The following SEMA6D variants were observed in gnomAD, a reference collection of about 807,000 sequenced individuals.
SEMA6D encodes semaphorin-6D.
Under a neutral mutation model 106.6 loss-of-function variants are expected in SEMA6D, and 35 were observed. That is an observed-to-expected ratio of 0.33 (90% CI 0.25 to 0.44). SEMA6D has a LOEUF of 0.44. SEMA6D is among the 20% of genes least tolerant of loss of function. SEMA6D has a pLI of 1.00. For missense variants in SEMA6D, 1,185 were observed against 1,345.9 expected, an observed-to-expected ratio of 0.88 and a Z score of 1.87; for synonymous variants, 499 against 487.7, an observed-to-expected ratio of 1.02 and a Z score of -0.31.
intron 1 of SEMA6D, among the ~76,000 whole-genome samples, chr15:47,244,258 G>T (rs1406434266): frequency 6.6e-6 from 1 of 152,118 alleles, no homozygotes; most frequent in South Asian, 2.1e-4. Context: ...GGTAGATCTG[G>T]ATTTGAATCT....
intron 1 of SEMA6D, among the ~76,000 whole-genome samples, chr15:47,724,615 A>AG (rs1396855396): frequency 6.6e-6 from 1 of 151,628 alleles, no homozygotes; most frequent in East Asian, 1.9e-4. Context: ...CCAGGCATAG[A>AG]GAACAGCTTA....
chr15:47,738,339 T>G (rs7172945), intron 1 of SEMA6D, among the ~76,000 whole-genome samples: 440 of 152,308 alleles, frequency 2.9e-3, no homozygotes, highest in African/African-American at 0.01. Flanking sequence ...CTCATTCCTT[T>G]GTATGGCTGC....
At chr15:47,679,740 A>G (rs1293838516) in intron 4 of SEMA6D, among the ~76,000 whole-genome samples, 1 of 152,238 alleles carries the variant, frequency 6.6e-6, no homozygotes, top group Non-Finnish European at 1.5e-5. Flanking sequence ...TGAAGGAAAA[A>G]TAAGCACAAT....
At chr15:47,592,765 A>G (rs1277215921) in intron 3 of SEMA6D, among the ~76,000 whole-genome samples, 5 of 152,242 alleles carry the variant, frequency 3.3e-5, no homozygotes, top group Non-Finnish European at 7.3e-5. Context: ...TAATTGACAA[A>G]TGAATTCTAA....
At chr15:47,583,976 G>C (rs566356583) in intron 3 of SEMA6D, among the ~76,000 whole-genome samples, 43 of 152,260 alleles carry the variant, frequency 2.8e-4, no homozygotes, top group Admixed American at 1.9e-3. Flanking sequence ...ACTGCAACCA[G>C]CTCACAGCAC....
intron 1 of SEMA6D, among the ~76,000 whole-genome samples, chr15:47,330,233 G>T (rs8024011): frequency 0.015 from 2,226 of 152,254 alleles, 56 homozygotes; most frequent in African/African-American, 0.052. Flanking sequence ...ACAGAAATGG[G>T]TGTCATCTCT....
chr15:47,555,314 G>C (rs748311643), intron 3 of SEMA6D, among the ~76,000 whole-genome samples: 2 of 151,944 alleles, frequency 1.3e-5, no homozygotes, highest in African/African-American at 4.8e-5. Context: ...TTCTCATAAC[G>C]GTTATCTGTT....
At chr15:47,372,441 C>A (rs762479472) in intron 1 of SEMA6D, among the ~76,000 whole-genome samples, 1 of 152,168 alleles carries the variant, frequency 6.6e-6, no homozygotes, top group African/African-American at 2.4e-5. Flanking sequence ...AGAACTGGAC[C>A]TGATGAAATA....
At chr15:47,278,008 A>G (rs1314142772) in intron 1 of SEMA6D, among the ~76,000 whole-genome samples, 3 of 151,990 alleles carry the variant, frequency 2.0e-5, no homozygotes, top group African/African-American at 7.3e-5. Context: ...AATCCAGTCT[A>G]TCATTGTTGG....
chr15:47,765,670 C>T (rs1938789135), intron 13 of SEMA6D, among the ~76,000 whole-genome samples, 199 bp from the exon 14 acceptor site: 2 of 152,124 alleles, frequency 1.3e-5, no homozygotes, highest in South Asian at 4.1e-4. Context: ...TGTTTAAAAA[C>T]CCTTTGTCCA....
chr15:47,491,334 A>C (rs912379465), intron 3 of SEMA6D, among the ~76,000 whole-genome samples: 2 of 152,202 alleles, frequency 1.3e-5, no homozygotes, highest in African/African-American at 4.8e-5. Flanking sequence ...GATAACACAT[A>C]AACTAGTATT....
intron 4 of SEMA6D, among the ~76,000 whole-genome samples, chr15:47,624,269 G>C (rs928351188): frequency 2.6e-5 from 4 of 152,158 alleles, no homozygotes; most frequent in Non-Finnish European, 5.9e-5. Context: ...AGCCGTACTT[G>C]CATGCTTCCC....
At chr15:47,766,580 G>A (rs1398072326) in intron 15 of SEMA6D, 36 bp from the exon 16 acceptor site, 4 of 1,608,502 alleles carry the variant, frequency 2.5e-6, no homozygotes, top group South Asian at 2.2e-5. Context: ...TATGAAGGCT[G>A]TTAACCGAAG....
chr15:47,724,351 A>G (rs528091593), intron 1 of SEMA6D, among the ~76,000 whole-genome samples: 21 of 152,360 alleles, frequency 1.4e-4, no homozygotes, highest in African/African-American at 4.8e-4. Context: ...ACACAATTCC[A>G]GAGGTCAGGG....
At chr15:47,254,353 A>ATATATATATATATAT (rs1555411061) in intron 1 of SEMA6D, among the ~76,000 whole-genome samples, 2 of 147,672 alleles carry the variant, frequency 1.4e-5, no homozygotes, top group African/African-American at 4.9e-5. Context: ...ATATATATAT[A>ATATATATATATATAT]AATGATTGTG....
At chr15:47,712,519 T>C (rs937342498), upstream of SEMA6D, among the ~76,000 whole-genome samples, 2 of 152,228 alleles carry the variant, frequency 1.3e-5, no homozygotes, top group African/African-American at 4.8e-5. Flanking sequence ...GGCCAGGATC[T>C]GGGATGAAAC....
chr15:47,495,155 C>T (rs189060892), intron 3 of SEMA6D, among the ~76,000 whole-genome samples: 1 of 151,904 alleles, frequency 6.6e-6, no homozygotes, highest in East Asian at 1.9e-4. Flanking sequence ...AAAGAAAAAA[C>T]TGGAAGTCGT....
chr15:47,342,916 T>C (rs1218573370), intron 1 of SEMA6D, among the ~76,000 whole-genome samples: 1 of 152,156 alleles, frequency 6.6e-6, no homozygotes, highest in Non-Finnish European at 1.5e-5. Flanking sequence ...TTTCACCATG[T>C]TGGCCAAGCT....
intron 1 of SEMA6D, among the ~76,000 whole-genome samples, chr15:47,403,680 G>A (rs1045482564): frequency 6.6e-6 from 1 of 152,174 alleles, no homozygotes; most frequent in African/African-American, 2.4e-5. Context: ...TTCTTTAACT[G>A]CATGGGGATG....
Sources: allele counts gnomAD v4.1 joint callset (sites outside exome capture counted in the v4.1 genomes callset), GRCh38; gene constraint gnomAD v4.1.1; transcripts MANE v1.5; gene names NCBI Gene and HGNC (gene_info 2026-07-23, HGNC 2026-07-21).